The following AKAP19 variants were observed in gnomAD, a reference collection of about 807,000 sequenced individuals.
AKAP19 encodes the protein A-kinase anchoring protein 19, also known as small A-kinase anchoring protein.
chr2:190,063,717 C>G, the AKAP19 span, among the ~76,000 whole-genome samples: 2 of 152,028 alleles, frequency 1.3e-5, no homozygotes, highest in African/African-American at 4.8e-5. Context: ...TATGTTTGCA[C>G]CCCTTTGCCA....
chr2:190,089,663 A>C, the AKAP19 span: 1 of 152,154 alleles, frequency 6.6e-6, no homozygotes, highest in Non-Finnish European at 1.5e-5. Flanking sequence ...TGCCCTAAAA[A>C]CTTAGTGACT....
the AKAP19 span, among the ~76,000 whole-genome samples, chr2:190,077,385 G>A: frequency 0.12 from 18,775 of 151,112 alleles, 3,091 homozygotes; most frequent in African/African-American, 0.37. Flanking sequence ...AATTTTTTGT[G>A]TTTTTATTTA....
chr2:189,990,500 C>CCT, the AKAP19 span, among the ~76,000 whole-genome samples: 1 of 151,892 alleles, frequency 6.6e-6, no homozygotes, highest in Non-Finnish European at 1.5e-5. Flanking sequence ...AGTGTATAGT[C>CCT]CTCTTTATGT....
the AKAP19 span, among the ~76,000 whole-genome samples, chr2:189,995,404 G>A: frequency 6.6e-6 from 1 of 152,154 alleles, no homozygotes; most frequent in Non-Finnish European, 1.5e-5. Context: ...TGGCTTTAAA[G>A]TCTGTTTTGT....
the AKAP19 span, among the ~76,000 whole-genome samples, chr2:190,197,976 T>C: frequency 6.6e-6 from 1 of 152,164 alleles, no homozygotes; most frequent in Non-Finnish European, 1.5e-5. The surrounding 1 kb of genome is among the most constrained non-coding windows in gnomAD (Gnocchi z 4.0). Flanking sequence ...CAGTAAAAAC[T>C]AGACACTATG....
chr2:190,073,552 T>C, the AKAP19 span, among the ~76,000 whole-genome samples: 2 of 151,940 alleles, frequency 1.3e-5, no homozygotes, highest in Non-Finnish European at 2.9e-5. Flanking sequence ...ATTAAAATAA[T>C]TAATAAAAAT....
At chr2:190,088,236 A>G in the AKAP19 span, among the ~76,000 whole-genome samples, 3 of 152,136 alleles carry the variant, frequency 2.0e-5, no homozygotes, top group Non-Finnish European at 4.4e-5. Flanking sequence ...CATGATCGTG[A>G]TATGTCTGGG....
At chr2:189,891,460 T>G in the AKAP19 span, among the ~76,000 whole-genome samples, 2 of 151,960 alleles carry the variant, frequency 1.3e-5, no homozygotes, top group Non-Finnish European at 2.9e-5. Flanking sequence ...CCTGACCTCA[T>G]GATCTGCCCA....
the AKAP19 span, among the ~76,000 whole-genome samples, chr2:190,069,175 T>TGTGTGTGTGTGAGAGA: frequency 1.1e-3 from 140 of 123,530 alleles, no homozygotes; most frequent in African/African-American, 4.4e-3. Context: ...TGTGTGTGTG[T>TGTGTGTGTGTGAGAGA]GAGAGAGAGA....
the AKAP19 span, among the ~76,000 whole-genome samples, chr2:190,131,134 C>T: frequency 6.6e-6 from 1 of 152,144 alleles, no homozygotes; most frequent in African/African-American, 2.4e-5. Flanking sequence ...GTCTTTGACC[C>T]TGGTTCCTGA....
chr2:189,989,564 C>CA, the AKAP19 span, among the ~76,000 whole-genome samples: 7,377 of 151,268 alleles, frequency 0.049, 280 homozygotes, highest in Non-Finnish European at 0.074. Context: ...TCAGAACATA[C>CA]AAAAAAAATT....
chr2:190,155,544 G>A, the AKAP19 span, among the ~76,000 whole-genome samples: 1 of 152,144 alleles, frequency 6.6e-6, no homozygotes, highest in South Asian at 2.1e-4. Context: ...AATGGGGTGG[G>A]ATCAATGCAG....
the AKAP19 span, among the ~76,000 whole-genome samples, chr2:189,913,520 G>T: frequency 6.6e-6 from 1 of 151,964 alleles, no homozygotes; most frequent in Non-Finnish European, 1.5e-5. Flanking sequence ...TGCCAATTTT[G>T]ATTACTTTGT....
At chr2:190,016,546 A>G in the AKAP19 span, among the ~76,000 whole-genome samples, 1 of 152,252 alleles carries the variant, frequency 6.6e-6, no homozygotes, top group Non-Finnish European at 1.5e-5. Context: ...AAGCCTAATC[A>G]TATCAGTTGT....
At chr2:189,971,466 C>A in the AKAP19 span, among the ~76,000 whole-genome samples, 5 of 152,076 alleles carry the variant, frequency 3.3e-5, no homozygotes, top group African/African-American at 7.2e-5. Context: ...GTCTTTATAG[C>A]AGCGTGATTT....
chr2:189,884,976 G>A, the AKAP19 span, among the ~76,000 whole-genome samples: 1 of 152,176 alleles, frequency 6.6e-6, no homozygotes, highest in Non-Finnish European at 1.5e-5. Context: ...AAAATAATCA[G>A]ATTAATGAAT....
the AKAP19 span, among the ~76,000 whole-genome samples, chr2:190,150,769 T>TG: frequency 2.0e-5 from 3 of 149,728 alleles, no homozygotes; most frequent in African/African-American, 7.3e-5. Context: ...TCTCCTGCTT[T>TG]TTTTTTTTTT....
At chr2:190,191,079 A>G in the AKAP19 span, among the ~76,000 whole-genome samples, 1 of 152,198 alleles carries the variant, frequency 6.6e-6, no homozygotes, top group Admixed American at 6.5e-5. Flanking sequence ...GGTGTACATT[A>G]ACATCTTTGT....
the AKAP19 span, among the ~76,000 whole-genome samples, chr2:190,138,938 G>T: frequency 6.6e-6 from 1 of 152,280 alleles, no homozygotes; most frequent in South Asian, 2.1e-4. Flanking sequence ...CATCTGAAAG[G>T]AAGGATAAGA....
Sources: allele counts gnomAD v4.1 joint callset (sites outside exome capture counted in the v4.1 genomes callset), GRCh38; gene constraint gnomAD v4.1.1; non-coding constraint Gnocchi (gnomAD v3.1); transcripts MANE v1.5; gene names NCBI Gene and HGNC (gene_info 2026-07-23, HGNC 2026-07-21).